C8orf34: variants seen among roughly 807,000 people sequenced by gnomAD.
The protein encoded by C8orf34 is chromosome 8 open reading frame 34.
C8orf34 carries 65 observed loss-of-function variants against 68.3 expected under a neutral mutation model. The ratio of observed to expected loss-of-function variants is 0.95; its 90% CI spans 0.78 to 1.17. The LOEUF (loss-of-function observed/expected upper bound fraction) is 1.17. C8orf34 is among the 50% of genes most tolerant of loss of function. The pLI is 0.00. For missense variants in C8orf34, 664 were observed against 655.4 expected (o/e 1.01, Z -0.14); for synonymous variants, 244 against 241.2 (o/e 1.01, Z -0.11).
intron 4 of C8orf34, among the ~76,000 whole-genome samples, chr8:68,478,164 C>G (rs1347924659): frequency 6.6e-6 from 1 of 152,152 alleles, no homozygotes; most frequent in Non-Finnish European, 1.5e-5. Flanking sequence ...GCAAAATTTT[C>G]AAGTTTTTAT....
intron 8 of C8orf34, among the ~76,000 whole-genome samples, chr8:68,673,421 G>A (rs958503355): frequency 2.6e-5 from 4 of 152,014 alleles, no homozygotes; most frequent in African/African-American, 7.2e-5. Context: ...CTTAAAGGAG[G>A]GTCCAGCCCT....
intron 1 of C8orf34, among the ~76,000 whole-genome samples, chr8:68,409,380 TA>T (rs1809346725): frequency 6.6e-6 from 1 of 152,184 alleles, no homozygotes; most frequent in African/African-American, 2.4e-5. Flanking sequence ...AAGACAGTGA[TA>T]TTGATGATCC....
intron 7 of C8orf34, among the ~76,000 whole-genome samples, chr8:68,611,861 C>T (rs1322387520): frequency 1.3e-5 from 2 of 152,130 alleles, no homozygotes; most frequent in Non-Finnish European, 2.9e-5. Context: ...CAGTGGCCCC[C>T]AAGAGGGAAA....
chr8:68,796,872 G>A (rs1824194508), intron 12 of C8orf34, among the ~76,000 whole-genome samples: 1 of 149,598 alleles, frequency 6.7e-6, no homozygotes, highest in Admixed American at 6.7e-5. Context: ...TGTCGCTGAG[G>A]CTGGAGTGCA....
intron 1 of C8orf34, among the ~76,000 whole-genome samples, chr8:68,342,180 A>G (rs1187909844): frequency 1.3e-5 from 2 of 152,238 alleles, no homozygotes; most frequent in Non-Finnish European, 2.9e-5. Context: ...CACATTGTAC[A>G]TCATAAACAT....
chr8:68,689,815 T>A (rs1386172709), intron 8 of C8orf34, among the ~76,000 whole-genome samples: 1 of 151,962 alleles, frequency 6.6e-6, no homozygotes, highest in African/African-American at 2.4e-5. Context: ...ACTCTTCCAA[T>A]TGGGTGCCTT....
At chr8:68,426,824 G>A (rs997798068) in intron 1 of C8orf34, among the ~76,000 whole-genome samples, 17 of 151,296 alleles carry the variant, frequency 1.1e-4, no homozygotes, top group South Asian at 4.2e-4. Flanking sequence ...AGCTGAGGTC[G>A]CGCCATTGCA....
intron 7 of C8orf34, among the ~76,000 whole-genome samples, chr8:68,536,256 C>T (rs1441636546): frequency 6.8e-6 from 1 of 146,016 alleles, no homozygotes; most frequent in East Asian, 2.1e-4. Flanking sequence ...TTGCATGCAC[C>T]TATAGTCCCA....
chr8:68,685,091 C>G (rs1820474448), intron 8 of C8orf34, among the ~76,000 whole-genome samples: 1 of 152,042 alleles, frequency 6.6e-6, no homozygotes, highest in African/African-American at 2.4e-5. Context: ...AGGTATAACT[C>G]TTTCATACTA....
chr8:68,577,348 GGAGA>G lies in C8orf34; in HGVS notation c.1105+44205_1105+44208del, dbSNP rs374029780. On this transcript the variant is annotated intron_variant, in intron 7 of 13. Transcript: ENST00000518698. ...AGACATAGACTGTTATCATCATAAG[GGAGA>G]GAGAGGAATTATCATATAGGTGCTG... Among the ~76,000 whole-genome samples, 623 of 151,900 alleles carry G rather than the reference GGAGA, an allele frequency of 4.1e-3. 5 individuals are homozygous for G. Among genetic ancestry groups the G allele is most frequent in the African/African-American group, 0.014 (594 of 41,494 alleles).
chr8:68,608,364 C>G (rs1817917461), intron 7 of C8orf34, among the ~76,000 whole-genome samples: 1 of 151,832 alleles, frequency 6.6e-6, no homozygotes, highest in Non-Finnish European at 1.5e-5. Flanking sequence ...TGAGGAACCT[C>G]AAGTGAGCCA....
At chr8:68,800,561 A>C (rs1237533130) in intron 12 of C8orf34, among the ~76,000 whole-genome samples, 1 of 152,198 alleles carries the variant, frequency 6.6e-6, no homozygotes, top group Non-Finnish European at 1.5e-5. Flanking sequence ...AATTCTGTAA[A>C]ACTTGATTAA....
At chr8:68,784,832 G>T (rs1823800738) in intron 11 of C8orf34, among the ~76,000 whole-genome samples, 1 of 149,952 alleles carries the variant, frequency 6.7e-6, no homozygotes, top group African/African-American at 2.4e-5. Flanking sequence ...GTGTGTTTTC[G>T]AGTACTTTCT....
intron 7 of C8orf34, chr8:68,535,313 T>A (rs6984964): frequency 0.16 from 159,564 of 978,824 alleles, 18,522 homozygotes; most frequent in African/African-American, 0.58. Context: ...TTTGTAGATG[T>A]GTGTGCTATA....
At chr8:68,553,890 A>AC (rs1816167460) in intron 7 of C8orf34, among the ~76,000 whole-genome samples, 1 of 151,878 alleles carries the variant, frequency 6.6e-6, no homozygotes, top group Non-Finnish European at 1.5e-5. Flanking sequence ...TTATGAAAAA[A>AC]AATGAGAAGT....
intron 3 of C8orf34, among the ~76,000 whole-genome samples, chr8:68,459,903 G>T (rs574395883): frequency 1.3e-5 from 2 of 152,166 alleles, no homozygotes; most frequent in Non-Finnish European, 2.9e-5. Flanking sequence ...CAGAGGTACC[G>T]GGTTCACCTC....
At chr8:68,673,191 C>A (rs910949658) in intron 8 of C8orf34, among the ~76,000 whole-genome samples, 2 of 152,104 alleles carry the variant, frequency 1.3e-5, no homozygotes, top group African/African-American at 4.8e-5. Flanking sequence ...TGTGAACCAG[C>A]ATATTGCCAG....
At chr8:68,547,461 G>T (rs908685667) in intron 7 of C8orf34, among the ~76,000 whole-genome samples, 6 of 151,630 alleles carry the variant, frequency 4.0e-5, no homozygotes, top group African/African-American at 1.4e-4. Flanking sequence ...ATTTAGAGAA[G>T]AAATAATGCC....
intron 10 of C8orf34, among the ~76,000 whole-genome samples, chr8:68,756,749 C>A (rs1053372591): frequency 2.0e-5 from 3 of 152,036 alleles, no homozygotes; most frequent in African/African-American, 4.8e-5. Flanking sequence ...AATCTGTACA[C>A]GAAAACATGC....
Sources: gnomAD v4.1 joint callset for allele counts (sites outside exome capture counted in the v4.1 genomes callset) on GRCh38, gnomAD v4.1.1 for gene constraint, MANE v1.5 for transcripts, NCBI Gene and HGNC (gene_info 2026-07-23, HGNC 2026-07-21) for gene names.